Variants in DPYD observed in about 807,000 individuals in gnomAD.
DPYD encodes dihydropyrimidine dehydrogenase.
A neutral mutation model predicts 116.2 loss-of-function variants in DPYD; 109 were observed. The observed-to-expected ratio is 0.94, with a 90% CI of 0.80 to 1.10. The LOEUF (loss-of-function observed/expected upper bound fraction) is 1.10, where lower values mean the gene tolerates loss of function less well. DPYD is among the 50% of genes least tolerant of loss of function. The pLI is 0.00. For missense variants in DPYD, 1,302 were observed against 1,254.5 expected (o/e 1.04, Z -0.57); for synonymous variants, 440 against 432.0 (o/e 1.02, Z -0.23).
intron 11 of DPYD, among the ~76,000 whole-genome samples, chr1:97,557,377 C>T (rs1389877727): frequency 6.8e-5 from 10 of 148,050 alleles, no homozygotes; most frequent in African/African-American, 1.3e-4. Context: ...GCATGACCTC[C>T]GCTCACTGTA....
chr1:97,387,433 C>G (rs1264840772), intron 14 of DPYD, among the ~76,000 whole-genome samples: 1 of 152,050 alleles, frequency 6.6e-6, no homozygotes, highest in Admixed American at 6.6e-5. Context: ...CAGAAAAAGT[C>G]CCTGCCCTCC....
At chr1:97,221,684 T>C (rs573475013) in intron 19 of DPYD, among the ~76,000 whole-genome samples, 3 of 152,048 alleles carry the variant, frequency 2.0e-5, no homozygotes, top group Non-Finnish European at 4.4e-5. Context: ...CAAAATGAAG[T>C]GGTCTTTTCA....
At chr1:97,300,822 C>T (rs976056516) in intron 18 of DPYD, among the ~76,000 whole-genome samples, 7 of 151,952 alleles carry the variant, frequency 4.6e-5, no homozygotes, top group African/African-American at 1.7e-4. Context: ...ATAAACTATG[C>T]GATGTGAAGT....
chr1:97,182,937 C>T (rs1304923432), intron 20 of DPYD, among the ~76,000 whole-genome samples: 2 of 152,098 alleles, frequency 1.3e-5, no homozygotes, highest in Non-Finnish European at 2.9e-5. Context: ...GGCACAAGTT[C>T]TTCATGAGAT....
intron 13 of DPYD, among the ~76,000 whole-genome samples, chr1:97,462,005 T>A (rs1677061316): frequency 6.6e-6 from 1 of 152,248 alleles, no homozygotes; most frequent in African/African-American, 2.4e-5. Context: ...CTCAATTTTT[T>A]TTTTGTTTGT....
intron 2 of DPYD, among the ~76,000 whole-genome samples, chr1:97,843,088 T>TC: frequency 6.6e-6 from 1 of 152,208 alleles, no homozygotes; most frequent in East Asian, 1.9e-4. Context: ...AACAATCCAA[T>TC]CTTTTAGCCT....
chr1:97,695,330 A>G (rs1374194045), intron 6 of DPYD, among the ~76,000 whole-genome samples: 1 of 150,284 alleles, frequency 6.7e-6, no homozygotes, highest in Admixed American at 6.7e-5. Context: ...ATTCAATCTT[A>G]TTGTATAGAC....
At chr1:97,856,017 G>A (rs753257620) in intron 2 of DPYD, 4 of 152,092 alleles carry the variant, frequency 2.6e-5, no homozygotes, top group Admixed American at 2.0e-4. Context: ...CAACAGAAAC[G>A]GAGACATCTT....
intron 5 of DPYD, among the ~76,000 whole-genome samples, chr1:97,700,486 A>T (rs943839220): frequency 6.6e-6 from 1 of 152,028 alleles, no homozygotes; most frequent in African/African-American, 2.4e-5. Context: ...ACACTCTACA[A>T]GTAGGGCAAA....
At chr1:97,475,455 G>T (rs1677905082) in intron 13 of DPYD, among the ~76,000 whole-genome samples, 1 of 152,128 alleles carries the variant, frequency 6.6e-6, no homozygotes, top group South Asian at 2.1e-4. Context: ...ACAAATTAAT[G>T]AGTAAAAGAA....
intron 20 of DPYD, among the ~76,000 whole-genome samples, chr1:97,103,551 C>A (rs1650912046): frequency 6.6e-6 from 1 of 152,000 alleles, no homozygotes; most frequent in African/African-American, 2.4e-5. Context: ...ATTAGTTTAA[C>A]CTGATAAATG....
chr1:97,322,384 G>A (rs1570517396), intron 16 of DPYD, among the ~76,000 whole-genome samples: 1 of 151,842 alleles, frequency 6.6e-6, no homozygotes, highest in Non-Finnish European at 1.5e-5. Flanking sequence ...TCTGTGGACT[G>A]ATATCCCTTT....
chr1:97,823,025 T>C (rs78164635), intron 3 of DPYD, among the ~76,000 whole-genome samples: 12,040 of 152,286 alleles, frequency 0.079, 543 homozygotes, highest in East Asian at 0.16. Context: ...TGGCACATAA[T>C]AGTTGCACAT....
At chr1:97,438,042 T>C (rs1675564718) in intron 14 of DPYD, among the ~76,000 whole-genome samples, 1 of 152,074 alleles carries the variant, frequency 6.6e-6, no homozygotes, top group Non-Finnish European at 1.5e-5. Context: ...TTCATATAAA[T>C]AATTTGTGGG....
At chr1:97,138,711 A>T (rs1361530141) in intron 20 of DPYD, among the ~76,000 whole-genome samples, 1 of 152,196 alleles carries the variant, frequency 6.6e-6, no homozygotes, top group Non-Finnish European at 1.5e-5. Flanking sequence ...ATATGAACTA[A>T]TAAGAGAGAA....
chr1:97,209,320 T>C lies in DPYD; in HGVS notation c.2443-16072A>G, dbSNP rs1051657833. Among the ~76,000 whole-genome samples the C allele has an allele frequency of 1.9e-4, 29 of 152,180 alleles. 1 individual carries two copies. The highest frequency in any genetic ancestry group is 6.8e-4 in the African/African-American group (28 of 41,462). ...CTATAAAATGTCACACTTTAAACCA[T>C]TGCTTATATTTTGAATCTGCTTATA... is the stretch of plus-strand genomic sequence containing the variant. On this transcript the variant is annotated intron_variant, in intron 19 of 22. Coordinates refer to ENST00000370192, the MANE Select transcript of DPYD (RefSeq NM_000110.4).
chr1:97,409,093 A>C (rs990432692), intron 14 of DPYD, among the ~76,000 whole-genome samples: 2 of 152,004 alleles, frequency 1.3e-5, no homozygotes, highest in Non-Finnish European at 2.9e-5. Flanking sequence ...TCCCCTTCAT[A>C]TTTACATCAG....
intron 15 of DPYD, among the ~76,000 whole-genome samples, chr1:97,374,552 C>G (rs140559361): frequency 2.0e-5 from 3 of 151,568 alleles, no homozygotes; most frequent in Non-Finnish European, 4.4e-5. Flanking sequence ...AACTCCGTCT[C>G]TACTAAAAAT....
intron 10 of DPYD, among the ~76,000 whole-genome samples, chr1:97,578,344 C>T (rs1010071131): frequency 7.2e-5 from 11 of 152,102 alleles, no homozygotes; most frequent in Middle Eastern, 6.8e-3. Context: ...AAGTATTTAG[C>T]TTCAAACCGA....
Sources: allele counts gnomAD v4.1 joint callset (sites outside exome capture counted in the v4.1 genomes callset), GRCh38; gene constraint gnomAD v4.1.1; transcripts MANE v1.5; gene names NCBI Gene and HGNC (gene_info 2026-07-23, HGNC 2026-07-21).